The following KLF12 variants were observed in gnomAD, a reference collection of about 807,000 sequenced individuals.
KLF12 encodes the protein KLF transcription factor 12.
A neutral mutation model predicts 37.8 loss-of-function variants in KLF12; 9 were observed. The ratio of observed to expected loss-of-function variants is 0.24; its 90% CI spans 0.14 to 0.42. KLF12 has a LOEUF of 0.42. KLF12 is among the 10% of genes least tolerant of loss of function. KLF12 has a pLI of 1.00. For synonymous variants in KLF12, 208 were observed against 202.1 expected, an observed-to-expected ratio of 1.03 and a Z score of -0.25; for missense variants, 411 against 516.0, an observed-to-expected ratio of 0.80 and a Z score of 1.97.
Position 73,691,623 on chromosome 13 carries a change from A to ACATTTCTAAGCAGT in KLF12, c.*3853_*3866dup, listed in dbSNP as rs1491236784. On this transcript the variant is annotated 3_prime_UTR_variant, in exon 8 of 8. Transcript: ENST00000377669. The stretch of plus-strand genomic sequence containing the variant: ...ACATCTTTAGAACAACATCATGGCT[A>ACATTTCTAAGCAGT]CATTTCTAAGCAGTCATAACAACAT... 1 of 152,658 alleles carries ACATTTCTAAGCAGT rather than the reference A, an allele frequency of 6.6e-6. No individual in the cohort carries two copies. Among genetic ancestry groups the ACATTTCTAAGCAGT allele is most frequent in the Non-Finnish European group, 1.5e-5 (1 of 68,030 alleles). 9.5% of individuals were successfully genotyped at this position (152,658 alleles called of 1,614,324 possible). A position where few individuals can be genotyped will look rare whatever the true frequency, so the allele number is the denominator to read the frequency against.
At chr13:73,752,756 TGCTC>T (rs1566343000) in intron 6 of KLF12, among the ~76,000 whole-genome samples, 2 of 69,068 alleles carry the variant, frequency 2.9e-5, no homozygotes, top group African/African-American at 9.8e-5. Context: ...CACAGAGTCT[TGCTC>T]TGTCACCCAG....
chr13:73,752,053 G>T (rs1878796410), intron 6 of KLF12, among the ~76,000 whole-genome samples: 1 of 152,140 alleles, frequency 6.6e-6, no homozygotes, highest in Non-Finnish European at 1.5e-5. Flanking sequence ...AGGCTGGAGT[G>T]CTCACTGCAA....
At chr13:74,250,931 T>G in the KLF12 span, among the ~76,000 whole-genome samples, 1 of 152,130 alleles carries the variant, frequency 6.6e-6, no homozygotes, top group East Asian at 1.9e-4. Context: ...CACAACAAAT[T>G]AAAGTCAGTC....
At chr13:74,036,852 T>C (rs571505026) in intron 1 of KLF12, among the ~76,000 whole-genome samples, 4 of 152,350 alleles carry the variant, frequency 2.6e-5, no homozygotes, top group Admixed American at 2.6e-4. Context: ...GATAAATTTA[T>C]AAACCAAGTG....
At chr13:74,191,859 T>A in the KLF12 span, among the ~76,000 whole-genome samples, 1 of 152,218 alleles carries the variant, frequency 6.6e-6, no homozygotes. Flanking sequence ...TATACGTATA[T>A]ATTTACCTTC....
At chr13:73,999,247 G>T (rs1350056118) in intron 1 of KLF12, among the ~76,000 whole-genome samples, 1 of 152,124 alleles carries the variant, frequency 6.6e-6, no homozygotes, top group East Asian at 1.9e-4. Context: ...TTCAATTAGG[G>T]TAGGTGGAGT....
intron 1 of KLF12, among the ~76,000 whole-genome samples, chr13:74,118,517 C>T (rs962560839): frequency 1.3e-5 from 2 of 152,120 alleles, no homozygotes; most frequent in African/African-American, 4.8e-5. Context: ...GTGTGACTTT[C>T]CATACATTAT....
chr13:74,187,078 C>T, the KLF12 span, among the ~76,000 whole-genome samples: 2 of 152,216 alleles, frequency 1.3e-5, no homozygotes, highest in Non-Finnish European at 2.9e-5. Flanking sequence ...TCATACGCTT[C>T]CTTCTAGGAA....
chr13:73,726,764 T>C (rs896803146), intron 6 of KLF12, among the ~76,000 whole-genome samples: 2 of 152,240 alleles, frequency 1.3e-5, no homozygotes, highest in African/African-American at 2.4e-5. Context: ...TGAACAGTTT[T>C]TGTGTAGACA....
chr13:74,134,560 C>T (rs1878464572), upstream of KLF12, among the ~76,000 whole-genome samples: 1 of 151,612 alleles, frequency 6.6e-6, no homozygotes, highest in East Asian at 2.0e-4. Context: ...TGCCCCCGCC[C>T]TCCGGCCCCG....
At chr13:73,896,475 C>T (rs1887776025) in intron 3 of KLF12, among the ~76,000 whole-genome samples, 1 of 152,034 alleles carries the variant, frequency 6.6e-6, no homozygotes, top group South Asian at 2.1e-4. Context: ...GTCAGGGAGC[C>T]TCCAAGTCTC....
intron 3 of KLF12, among the ~76,000 whole-genome samples, chr13:73,881,202 T>C (rs143595590): frequency 1.3e-5 from 2 of 152,290 alleles, no homozygotes; most frequent in East Asian, 1.9e-4. Context: ...TATAAAAACA[T>C]AGATTTCACT....
chr13:73,755,567 A>G (rs1879097467), intron 6 of KLF12, among the ~76,000 whole-genome samples: 1 of 152,102 alleles, frequency 6.6e-6, no homozygotes, highest in African/African-American at 2.4e-5. Context: ...TTTTACATAA[A>G]GTTGAAATTT....
chr13:73,786,260 T>C (rs1460658874), intron 5 of KLF12, among the ~76,000 whole-genome samples: 2 of 152,188 alleles, frequency 1.3e-5, no homozygotes, highest in Non-Finnish European at 2.9e-5. Context: ...CCTTTCATCA[T>C]AAATTGTTAA....
At chr13:74,059,819 T>C (rs1343735896) in intron 1 of KLF12, among the ~76,000 whole-genome samples, 2 of 152,240 alleles carry the variant, frequency 1.3e-5, no homozygotes, top group Non-Finnish European at 2.9e-5. Context: ...TTGCATTTGC[T>C]TTTGGGGAAT....
intron 4 of KLF12, among the ~76,000 whole-genome samples, chr13:73,819,345 C>T (rs1163943299): frequency 6.6e-6 from 1 of 152,208 alleles, no homozygotes; most frequent in Non-Finnish European, 1.5e-5. Flanking sequence ...AGTAAATTTA[C>T]TGCTTCTTCA....
chr13:74,138,047 C>A (rs1878609512), upstream of KLF12, among the ~76,000 whole-genome samples: 1 of 152,204 alleles, frequency 6.6e-6, no homozygotes, highest in Non-Finnish European at 1.5e-5. Flanking sequence ...GGAGCCACCG[C>A]GCCCGGCCAG....
the KLF12 span, among the ~76,000 whole-genome samples, chr13:74,166,989 G>A: frequency 6.6e-6 from 1 of 152,132 alleles, no homozygotes; most frequent in Non-Finnish European, 1.5e-5. Flanking sequence ...TTGTAATCAT[G>A]CAGAAGCAAG....
chr13:74,102,248 C>T (rs1876396123), intron 1 of KLF12, among the ~76,000 whole-genome samples: 1 of 151,616 alleles, frequency 6.6e-6, no homozygotes, highest in African/African-American at 2.4e-5. Flanking sequence ...AAGAATATGC[C>T]TGATGGATGG....
Sources: gnomAD v4.1 joint callset for allele counts (sites outside exome capture counted in the v4.1 genomes callset) on GRCh38, gnomAD v4.1.1 for gene constraint, MANE v1.5 for transcripts, NCBI Gene and HGNC (gene_info 2026-07-23, HGNC 2026-07-21) for gene names.